VRK2: variants seen among roughly 807,000 people sequenced by gnomAD.
VRK2 encodes the protein VRK serine/threonine kinase 2, also known as serine/threonine-protein kinase VRK2.
VRK2 carries 60 observed loss-of-function variants against 57.6 expected under a neutral mutation model. The observed-to-expected ratio is 1.04, with a 90% CI of 0.85 to 1.29. VRK2 has a LOEUF of 1.29. VRK2 is among the 50% of genes most tolerant of loss of function. The probability of loss-of-function intolerance (pLI) is 0.00; values close to 1 mark genes in which losing one functional copy is unlikely to be tolerated. For synonymous variants in VRK2, 231 were observed against 199.2 expected (o/e 1.16, Z -1.35); for missense variants, 705 against 588.1 (o/e 1.20, Z -2.06).
chr2:57,967,566 A>G (rs1671962436), intron 1 of VRK2, among the ~76,000 whole-genome samples: 1 of 152,146 alleles, frequency 6.6e-6, no homozygotes, highest in African/African-American at 2.4e-5. Flanking sequence ...AAGAAAATAA[A>G]AATATAAGAA....
intron 1 of VRK2, 174 bp from the exon 2 acceptor site, chr2:58,048,653 A>G (rs1675242981): frequency 2.7e-6 from 4 of 1,503,302 alleles, no homozygotes; most frequent in Non-Finnish European, 3.6e-6. Flanking sequence ...AATGTATGTG[A>G]ATTTCTAATT....
chr2:58,102,113 C>T (rs1674056919), intron 7 of VRK2, among the ~76,000 whole-genome samples: 1 of 151,362 alleles, frequency 6.6e-6, no homozygotes, highest in South Asian at 2.1e-4. Flanking sequence ...TTAATATAGC[C>T]ATTATGATTA....
chr2:58,042,646 G>A (rs569347876), upstream of VRK2, among the ~76,000 whole-genome samples: 16 of 152,150 alleles, frequency 1.1e-4, no homozygotes, highest in Non-Finnish European at 1.5e-4. Flanking sequence ...TTTAACCAGT[G>A]TAAGCATTTT....
At chr2:58,153,058 ACT>A (rs1683295942) in intron 12 of VRK2, among the ~76,000 whole-genome samples, 1 of 151,792 alleles carries the variant, frequency 6.6e-6, no homozygotes. Context: ...CTATAGTGAC[ACT>A]CTCTTCCCAA....
chr2:57,914,874 G>C (rs1670098539), intron 1 of VRK2, among the ~76,000 whole-genome samples: 1 of 152,064 alleles, frequency 6.6e-6, no homozygotes, highest in African/African-American at 2.4e-5. Context: ...AAAAAGTCTG[G>C]AGGGGATTCC....
At chr2:58,074,887 A>T (rs1010833793) in intron 2 of VRK2, among the ~76,000 whole-genome samples, 24 of 151,936 alleles carry the variant, frequency 1.6e-4, no homozygotes, top group Non-Finnish European at 3.4e-4. Context: ...TTTTATTTTT[A>T]TTATTTAGTT....
intron 2 of VRK2, among the ~76,000 whole-genome samples, chr2:58,074,644 G>T (rs922333828): frequency 1.3e-5 from 2 of 151,870 alleles, no homozygotes. Context: ...TGGTTATTTT[G>T]AATAAACTTT....
intron 1 of VRK2, among the ~76,000 whole-genome samples, chr2:58,019,947 G>A (rs1673699271): frequency 6.6e-6 from 1 of 152,048 alleles, no homozygotes; most frequent in Non-Finnish European, 1.5e-5. Context: ...GGATTTAAAA[G>A]GAGCATTAAA....
chr2:57,929,298 C>T (rs1038999487), intron 1 of VRK2, among the ~76,000 whole-genome samples: 1 of 152,164 alleles, frequency 6.6e-6, no homozygotes, highest in African/African-American at 2.4e-5. Flanking sequence ...TTTTCTTTCC[C>T]CTTTCCATAA....
intron 2 of VRK2, among the ~76,000 whole-genome samples, chr2:58,054,813 C>G (rs1443225043): frequency 6.6e-6 from 1 of 152,126 alleles, no homozygotes; most frequent in Non-Finnish European, 1.5e-5. Flanking sequence ...CCTGATAGCT[C>G]CATCACATGG....
intron 7 of VRK2, among the ~76,000 whole-genome samples, chr2:58,113,332 A>G (rs1044851241): frequency 1.3e-5 from 2 of 149,360 alleles, no homozygotes; most frequent in Admixed American, 6.6e-5. Flanking sequence ...AAAAAAAAAG[A>G]CAGTTGCGTT....
At chr2:57,942,216 T>C (rs1452517740) in intron 1 of VRK2, among the ~76,000 whole-genome samples, 1 of 152,232 alleles carries the variant, frequency 6.6e-6, no homozygotes, top group Non-Finnish European at 1.5e-5. Context: ...AAATGTGTTT[T>C]ACTGACTCAT....
chr2:58,071,914 C>G (rs1418005059), intron 2 of VRK2, among the ~76,000 whole-genome samples: 1 of 151,918 alleles, frequency 6.6e-6, no homozygotes, highest in African/African-American at 2.4e-5. Context: ...TATTTATGAA[C>G]ATGATGTATC....
chr2:58,090,767 T>A (rs941670720), intron 7 of VRK2, among the ~76,000 whole-genome samples: 1 of 152,202 alleles, frequency 6.6e-6, no homozygotes, highest in Non-Finnish European at 1.5e-5. Context: ...TGAATGCTTG[T>A]AGTCGGTTTA....
intron 11 of VRK2, among the ~76,000 whole-genome samples, chr2:58,144,919 C>T (rs573378742): frequency 6.6e-6 from 1 of 152,058 alleles, no homozygotes; most frequent in African/African-American, 2.4e-5. Context: ...AAGGAGTGAA[C>T]ACACTTGGCG....
At chr2:58,065,378 A>G (rs1350179779) in intron 2 of VRK2, among the ~76,000 whole-genome samples, 1 of 152,090 alleles carries the variant, frequency 6.6e-6, no homozygotes, top group Non-Finnish European at 1.5e-5. Flanking sequence ...AAATGGAATC[A>G]TGTAATATGT....
At chr2:58,057,179 G>A (rs1175663958) in intron 2 of VRK2, among the ~76,000 whole-genome samples, 1 of 152,060 alleles carries the variant, frequency 6.6e-6, no homozygotes, top group Non-Finnish European at 1.5e-5. Flanking sequence ...AAAATGATGT[G>A]TTAAATTAAC....
At chr2:57,925,981 T>G (rs1217197422) in intron 1 of VRK2, among the ~76,000 whole-genome samples, 1 of 152,086 alleles carries the variant, frequency 6.6e-6, no homozygotes, top group East Asian at 1.9e-4. Context: ...AATTTTTTCA[T>G]TGACCCACTG....
intron 1 of VRK2, among the ~76,000 whole-genome samples, chr2:57,914,762 T>G (rs1428274321): frequency 1.3e-5 from 2 of 152,122 alleles, no homozygotes; most frequent in Non-Finnish European, 2.9e-5. Context: ...TATTGAGACA[T>G]AAAAAGAAAC....
Sources: allele counts gnomAD v4.1 joint callset (sites outside exome capture counted in the v4.1 genomes callset), GRCh38; gene constraint gnomAD v4.1.1; transcripts MANE v1.5; gene names NCBI Gene and HGNC (gene_info 2026-07-23, HGNC 2026-07-21).